The following LRRFIP2 variants were observed in gnomAD, a reference collection of about 807,000 sequenced individuals.
LRRFIP2 encodes the protein leucine-rich repeat flightless-interacting protein 2.
A neutral mutation model predicts 125.9 loss-of-function variants in LRRFIP2; 109 were observed. The observed-to-expected ratio is 0.87, with a 90% CI of 0.74 to 1.01. The LOEUF is 1.01. LRRFIP2 is among the 50% of genes least tolerant of loss of function. The probability of loss-of-function intolerance (pLI) is 0.00; values close to 1 mark genes in which losing one functional copy is unlikely to be tolerated. For missense variants in LRRFIP2, 850 were observed against 862.3 expected, an observed-to-expected ratio of 0.99 and a Z score of 0.18; for synonymous variants, 291 against 293.1, an observed-to-expected ratio of 0.99 and a Z score of 0.07.
At chr3:37,169,660 T>C (rs900705810) in intron 1 of LRRFIP2, among the ~76,000 whole-genome samples, 2 of 152,200 alleles carry the variant, frequency 1.3e-5, no homozygotes, top group Admixed American at 6.5e-5. Flanking sequence ...TATTTCTACT[T>C]AGGAAAGTGG....
At chr3:37,098,552 CT>C (rs1319288544) in intron 15 of LRRFIP2, among the ~76,000 whole-genome samples, 1 of 151,884 alleles carries the variant, frequency 6.6e-6, no homozygotes, top group Non-Finnish European at 1.5e-5. Context: ...TCACGCCCGG[CT>C]AATTTTTTTT....
chr3:37,119,950 C>T (rs927411787), intron 6 of LRRFIP2, among the ~76,000 whole-genome samples: 1 of 152,060 alleles, frequency 6.6e-6, no homozygotes, highest in African/African-American at 2.4e-5. Context: ...ATGTGAGCCA[C>T]CGCTCCCGGC....
At chr3:37,087,925 G>T (rs2093176292) in intron 18 of LRRFIP2, among the ~76,000 whole-genome samples, 1 of 152,070 alleles carries the variant, frequency 6.6e-6, no homozygotes, top group South Asian at 2.1e-4. Flanking sequence ...TCAAAGTGTG[G>T]GTTCCAGATC....
At chr3:37,151,312 T>TTG (rs2096016485) in intron 1 of LRRFIP2, among the ~76,000 whole-genome samples, 1 of 151,264 alleles carries the variant, frequency 6.6e-6, no homozygotes, top group African/African-American at 2.4e-5. Context: ...TGAACCGAGA[T>TTG]CGTGCCACTG....
intron 18 of LRRFIP2, among the ~76,000 whole-genome samples, chr3:37,089,765 G>A (rs1224117208): frequency 6.6e-6 from 1 of 151,634 alleles, no homozygotes; most frequent in East Asian, 1.9e-4. Context: ...CTGATACACT[G>A]TTACACATGT....
chr3:37,118,299 G>A (rs1385954743), intron 6 of LRRFIP2, among the ~76,000 whole-genome samples: 4 of 152,166 alleles, frequency 2.6e-5, no homozygotes, highest in African/African-American at 7.2e-5. Flanking sequence ...AAACTCCTGG[G>A]TGATTCTGCT....
chr3:37,091,711 A>T (rs2093449387), intron 17 of LRRFIP2, among the ~76,000 whole-genome samples, 173 bp from the exon 18 acceptor site: 1 of 152,216 alleles, frequency 6.6e-6, no homozygotes, highest in African/African-American at 2.4e-5. Context: ...CAAATAGGTC[A>T]GGGGATAGTG....
intron 2 of LRRFIP2, among the ~76,000 whole-genome samples, chr3:37,146,435 G>C (rs693492): frequency 6.6e-6 from 1 of 152,082 alleles, no homozygotes; most frequent in African/African-American, 2.4e-5. Context: ...ACATGCATTA[G>C]CTATTTATCC....
chr3:37,149,982 CAGAG>C (rs1483748018), intron 1 of LRRFIP2, among the ~76,000 whole-genome samples: 2 of 151,444 alleles, frequency 1.3e-5, no homozygotes, highest in African/African-American at 2.4e-5. Context: ...GCCTGGGTGA[CAGAG>C]AGAGACTCCA....
rs1303993433 is a variant in LRRFIP2 at position 37,058,771 on chromosome 3, C to T, written c.1870+19G>A. The T allele has an allele frequency of 6.2e-7, 1 of 1,613,722 alleles. No homozygotes were observed. Among genetic ancestry groups the T allele is most frequent in the Non-Finnish European group, 8.5e-7 (1 of 1,179,796 alleles). ...CAGTCTATATACAGACTGGGACTGG[C>T]CTGTCCCCTGGTACCTACTCTGCAT... On this transcript the variant is annotated intron_variant, in intron 25 of 27. Coordinates refer to ENST00000336686, the MANE Select transcript of LRRFIP2 (RefSeq NM_006309.4).
At chr3:37,175,536 G>C (rs1216523964), upstream of LRRFIP2, among the ~76,000 whole-genome samples, 1 of 152,174 alleles carries the variant, frequency 6.6e-6, no homozygotes, top group Non-Finnish European at 1.5e-5. Context: ...CTGGAGTTCT[G>C]TAACTTAACA....
chr3:37,119,988 A>C (rs1244249139), intron 6 of LRRFIP2, among the ~76,000 whole-genome samples: 1 of 151,736 alleles, frequency 6.6e-6, no homozygotes, highest in Non-Finnish European at 1.5e-5. Flanking sequence ...AGAGAAAAAA[A>C]CAAAGTACTA....
intron 24 of LRRFIP2, among the ~76,000 whole-genome samples, chr3:37,059,421 T>C (rs1487229438): frequency 2.6e-5 from 4 of 152,198 alleles, no homozygotes; most frequent in Admixed American, 6.5e-5. Flanking sequence ...AAATGGAAGA[T>C]TCCATGAGCA....
At position 37,100,311 on chromosome 3, in the gene LRRFIP2, C is replaced by T. The variant is rs1253703259; in HGVS notation, c.873+2613G>A. The stretch of plus-strand genomic sequence containing the variant: ...CAGCACTCCAGCCTGCGAGACAGAG[C>T]GAGACCCTGTCTCTTTAAAAAAATA... On this transcript the variant is annotated intron_variant, in intron 15 of 27. Coordinates refer to ENST00000336686, the MANE Select transcript of LRRFIP2 (RefSeq NM_006309.4). Among the ~76,000 whole-genome samples the T allele has an allele frequency of 4.7e-5, 7 of 148,352 alleles. No individual in the cohort carries two copies. The South Asian group carries it at 1.3e-3, about 27-fold the overall frequency.
At chr3:37,096,795 T>G (rs1053090507) in intron 15 of LRRFIP2, 135 bp from the exon 16 acceptor site, 28 of 552,036 alleles carry the variant, frequency 5.1e-5, no homozygotes, top group African/African-American at 4.8e-4. Context: ...AAAATGAAAT[T>G]AAAATTCCAG....
Position 37,091,475 on chromosome 3 carries a change from C to A in LRRFIP2, c.1099G>T (p.Glu367Ter). The change falls in exon 18 of 28, where the codon GAA (glutamate) becomes TAA (stop). Residue 367 changes from glutamate (E) to a stop codon, truncating the protein, a stop_gained. Transcript: ENST00000336686. LOFTEE classifies it high-confidence loss of function. ...VEGRYMQGLK[E>*]LKESLSEVEE... Reference sequence around the variant, plus strand: ...AGAATGGGCCCTGATACCTTTAGTTCTTTAAGCCCCTGCATGTATCTCCCT... The same window carrying A: ...AGAATGGGCCCTGATACCTTTAGTTATTTAAGCCCCTGCATGTATCTCCCT... 3 of 1,611,164 alleles carry A rather than the reference C, an allele frequency of 1.9e-6. No individual in the cohort carries two copies.
intron 2 of LRRFIP2, among the ~76,000 whole-genome samples, chr3:37,142,611 G>T (rs185064761): frequency 9.3e-4 from 141 of 152,292 alleles, no homozygotes; most frequent in African/African-American, 2.5e-3. Flanking sequence ...TATGCATTCT[G>T]GGAAACTTCA....
intron 1 of LRRFIP2, among the ~76,000 whole-genome samples, chr3:37,163,913 T>C (rs973849000): frequency 2.6e-5 from 4 of 152,218 alleles, no homozygotes; most frequent in African/African-American, 9.6e-5. Flanking sequence ...ACATGTAATT[T>C]CTTGACCTAG....
At chr3:37,116,201 C>T (rs1246201016) in intron 6 of LRRFIP2, among the ~76,000 whole-genome samples, 1 of 152,066 alleles carries the variant, frequency 6.6e-6, no homozygotes, top group Non-Finnish European at 1.5e-5. Context: ...CATAGTTCAC[C>T]GCAACATCGA....
Sources: gnomAD v4.1 joint callset for allele counts (sites outside exome capture counted in the v4.1 genomes callset) on GRCh38, gnomAD v4.1.1 for gene constraint, MANE v1.5 for transcripts, NCBI Gene and HGNC (gene_info 2026-07-23, HGNC 2026-07-21) for gene names.